The following TRIM38 variants were observed in gnomAD, a reference collection of about 807,000 sequenced individuals.
TRIM38 encodes the protein tripartite motif containing 38.
A neutral mutation model predicts 35.8 loss-of-function variants in TRIM38; 35 were observed. That is an observed-to-expected ratio of 0.98 (90% confidence interval 0.75 to 1.30). TRIM38 has a LOEUF of 1.30. Ranked by LOEUF, TRIM38 falls within the 50% of genes most tolerant of loss-of-function variation. The pLI is 0.00. For missense variants in TRIM38, 545 were observed against 556.9 expected (o/e 0.98, Z 0.21); for synonymous variants, 198 against 204.7 (o/e 0.97, Z 0.28).
chr6:25,965,653 C>T (rs1223659128), intron 2 of TRIM38, among the ~76,000 whole-genome samples: 4 of 151,998 alleles, frequency 2.6e-5, no homozygotes, highest in East Asian at 1.9e-4. Flanking sequence ...AGGCTGGGCA[C>T]GGTGGCTCAT....
chr6:25,977,889 T>G lies in TRIM38; in HGVS notation c.874+4604T>G, dbSNP rs113820608. Among the ~76,000 whole-genome samples the G allele has an allele frequency of 9.7e-3, 1,479 of 152,234 alleles. 14 individuals are homozygous for G. Among genetic ancestry groups the G allele is most frequent in the Middle Eastern group, 0.044 (13 of 294 alleles). On this transcript the variant is annotated intron_variant, in intron 7 of 7. Transcript: ENST00000357085. ...AAGTTCATATATTTTGTTAAGTATG[T>G]CTCATTGGAGACCTTCTTTTCCCGT...
At chr6:25,968,039 T>G (rs1326919360) in intron 3 of TRIM38, among the ~76,000 whole-genome samples, 1 of 152,154 alleles carries the variant, frequency 6.6e-6, no homozygotes, top group Non-Finnish European at 1.5e-5. Context: ...AGGTGGGACT[T>G]TGCTGTTGGC....
At chr6:25,967,212 T>G (rs1760085571) in intron 3 of TRIM38, among the ~76,000 whole-genome samples, 1 of 152,184 alleles carries the variant, frequency 6.6e-6, no homozygotes, top group Non-Finnish European at 1.5e-5. Flanking sequence ...AACACCCGCA[T>G]TTTTTCTTGT....
rs375767787 is a variant in TRIM38 at position 25,966,594 on chromosome 6, G to A, written c.72G>A (p.Thr24=). Residue 24 remains threonine, a synonymous_variant, in exon 3 of 8, where the codon ACG becomes ACA. Coordinates refer to ENST00000357085, the MANE Select transcript of TRIM38 (RefSeq NM_006355.5). ...GCTCCATCTGCCTGAGCCTGATGACGAACCCAGTAAGCATCAACTGTGGAC... is the reference window on the plus strand; with the variant it reads ...GCTCCATCTGCCTGAGCCTGATGACAAACCCAGTAAGCATCAACTGTGGAC... ...ATCSICLSLM[T]NPVSINCGHS... The A allele has an allele frequency of 5.0e-5, 81 of 1,613,994 alleles. No homozygotes were observed. The highest frequency in any genetic ancestry group is 3.0e-5 in the Non-Finnish European group (35 of 1,180,014).
chr6:25,985,099 T>G lies in TRIM38; in HGVS notation c.*1412T>G, dbSNP rs1040243580. The G allele has an allele frequency of 6.6e-6, 1 of 152,106 alleles. No individual in the cohort carries two copies. The highest frequency in any genetic ancestry group is 6.5e-5 in the Admixed American group (1 of 15,276). 9.4% of individuals were successfully genotyped at this position (152,106 alleles called of 1,614,324 possible). A position where few individuals can be genotyped will look rare whatever the true frequency, so the allele number is the denominator to read the frequency against. ...AATATGCCATCTTTGGCATAAGAAGTATTTTGAGTTGAAGACAATTGAGAA... is the reference window on the plus strand; with the variant it reads ...AATATGCCATCTTTGGCATAAGAAGGATTTTGAGTTGAAGACAATTGAGAA... On this transcript the variant is annotated 3_prime_UTR_variant, in exon 8 of 8. Coordinates refer to ENST00000357085, the MANE Select transcript of TRIM38 (RefSeq NM_006355.5).
rs116351897 is a variant in TRIM38, at chr6:25,990,412, C to T, written c.*6725C>T. ...CAGCCTTGACTGCCTAGGCTCAAGT[C>T]ATCCTCCCACCTCAGCCTCCAGAAT... On this transcript the variant is annotated 3_prime_UTR_variant, in exon 8 of 8. Coordinates refer to ENST00000357085, the MANE Select transcript of TRIM38 (RefSeq NM_006355.5). The T allele has an allele frequency of 0.02, 2,973 of 152,294 alleles. 50 individuals are homozygous for T. Among genetic ancestry groups the T allele is most frequent in the African/African-American group, 0.047 (1,936 of 41,512 alleles). The allele number at this position is 152,294 out of a possible 1,614,324, so 9.4% of individuals were successfully genotyped here.
chr6:25,982,426 C>A (rs1285116916), intron 7 of TRIM38, among the ~76,000 whole-genome samples: 2 of 152,160 alleles, frequency 1.3e-5, no homozygotes, highest in Admixed American at 6.5e-5. Context: ...ATAGTGTGGG[C>A]TCCCAGAGCT....
rs1554143882 is a variant in TRIM38 at position 25,988,496 on chromosome 6, C to CTTTCTTTTTTTTT, written c.*4812_*4813insCTTTTTTTTTTTT. ...TTTCTTTTTCTTTTTTCTTTTCTTTCTTTTTTTTTTTTTTTTTGAGACAGA... is the reference window on the plus strand; with the variant it reads ...TTTCTTTTTCTTTTTTCTTTTCTTTCTTTCTTTTTTTTTTTTTTTTTTTTTTTTTTGAGACAGA... On this transcript the variant is annotated 3_prime_UTR_variant, in exon 8 of 8. Transcript: ENST00000357085. 1 of 63,054 alleles carries CTTTCTTTTTTTTT rather than the reference C, an allele frequency of 1.6e-5. No homozygotes were observed. Among genetic ancestry groups the CTTTCTTTTTTTTT allele is most frequent in the Non-Finnish European group, 2.7e-5 (1 of 37,380 alleles). The allele number at this position is 63,054 out of a possible 1,614,324, so 3.9% of individuals were successfully genotyped here. A position where few individuals can be genotyped will look rare whatever the true frequency, so the allele number is the denominator to read the frequency against.
At position 25,972,039 on chromosome 6, in the gene TRIM38, CAA is replaced by C; in HGVS notation, c.679_680del (p.Lys227GlufsTer23). 6.2e-7 allele frequency: 1 copy of C among 1,614,080 alleles called. No individual in the cohort carries two copies. The highest frequency in any genetic ancestry group is 1.1e-5 in the South Asian group (1 of 91,078). On this transcript the variant is annotated frameshift_variant, in exon 5 of 8. Transcript: ENST00000357085. LOFTEE classifies it high-confidence loss of function. Reference protein sequence around the residue: ...AGLGLKSNELKSHILELEEKC... With the variant: ...AGLGLKSNELXSHILELEEKC... The stretch of plus-strand genomic sequence containing the variant: ...GTCTGGGGCTGAAGAGCAATGAACT[CAA>C]GAGCCACATCCTGGAACTGGAGGAA...
At chr6:25,976,429 G>A (rs1290698459) in intron 7 of TRIM38, among the ~76,000 whole-genome samples, 2 of 152,112 alleles carry the variant, frequency 1.3e-5, no homozygotes, top group Non-Finnish European at 2.9e-5. Context: ...TGCCACGTCT[G>A]GCTAATTTTT....
chr6:25,972,110 G>GT lies in TRIM38; in HGVS notation c.738+12dup. 1 of 1,611,978 alleles carries GT rather than the reference G, an allele frequency of 6.2e-7. No individual in the cohort carries two copies. Among genetic ancestry groups the GT allele is most frequent in the Non-Finnish European group, 8.5e-7 (1 of 1,178,248 alleles). On this transcript the variant is annotated intron_variant, in intron 5 of 7. Coordinates refer to ENST00000357085, the MANE Select transcript of TRIM38 (RefSeq NM_006355.5). ...CAGAAATTGCTGCAGGTGAGGCTGT[G>GT]TACTTGGAGTAGGGAAAAAAGGTAT...
chr6:25,966,028 C>T (rs1363053118), intron 2 of TRIM38, among the ~76,000 whole-genome samples: 1 of 151,900 alleles, frequency 6.6e-6, no homozygotes, highest in Non-Finnish European at 1.5e-5. Context: ...ACAAGTGAGG[C>T]AGGAGTATAG....
intron 2 of TRIM38, among the ~76,000 whole-genome samples, chr6:25,964,997 G>C (rs554056617): frequency 1.3e-5 from 2 of 152,170 alleles, no homozygotes; most frequent in Admixed American, 1.3e-4. Context: ...ATTTTTAGTA[G>C]AGATGAGGTT....
chr6:25,969,403 C>A lies in TRIM38; in HGVS notation c.490C>A (p.Arg164=). 6.2e-7 allele frequency: 1 copy of A among 1,607,646 alleles called. No individual in the cohort carries two copies. The highest frequency in any genetic ancestry group is 8.5e-7 in the Non-Finnish European group (1 of 1,176,712). The change falls in exon 4 of 8, where the codon CGA becomes AGA. Residue 164 remains arginine (R), a synonymous_variant. Coordinates refer to ENST00000357085, the MANE Select transcript of TRIM38 (RefSeq NM_006355.5). ...CTEQKLSTAM[R]ITKWKEKVQI... is the part of the protein sequence containing the mutation. ...GGAGCAGAAGCTGTCCACAGCAATG[C>A]GAATAACTAAATGGAAAGTAAGAAT... is the stretch of plus-strand genomic sequence containing the variant.
chr6:25,986,358 A>G lies in TRIM38; in HGVS notation c.*2671A>G, dbSNP rs1760707650. Reference sequence around the variant, plus strand: ...CCTGGGCAAGGCTCCCATCTCTAAAAGAAAAGAAATTAGCTGGGCATGGTG... The same window carrying G: ...CCTGGGCAAGGCTCCCATCTCTAAAGGAAAAGAAATTAGCTGGGCATGGTG... On this transcript the variant is annotated 3_prime_UTR_variant, in exon 8 of 8. Coordinates refer to ENST00000357085, the MANE Select transcript of TRIM38 (RefSeq NM_006355.5). 6.6e-6 allele frequency: 1 copy of G among 152,060 alleles called. No homozygotes were observed. The highest frequency in any genetic ancestry group is 2.1e-4 in the South Asian group (1 of 4,828). 9.4% of individuals were successfully genotyped at this position (152,060 alleles called of 1,614,324 possible). A position where few individuals can be genotyped will look rare whatever the true frequency, so the allele number is the denominator to read the frequency against.
rs1176047412 is a variant in TRIM38, at chr6:25,983,273, G to A, written c.984G>A (p.Arg328=). ...AGGAGAATCAGGACACATCTTCCAG[G>A]AGATTTACTGCCTTCCCCTGTGTCT... ...YTQENQDTSS[R]RFTAFPCVLG... Residue 328 remains arginine, a synonymous_variant, in exon 8 of 8, where the codon AGG becomes AGA. Transcript: ENST00000357085. 6.2e-7 allele frequency: 1 copy of A among 1,614,120 alleles called. No homozygotes were observed. The highest frequency in any genetic ancestry group is 1.3e-5 in the African/African-American group (1 of 75,022).
Position 25,989,698 on chromosome 6 carries a change from T to C in TRIM38, c.*6011T>C, listed in dbSNP as rs1488434291. ...CTGTTTGGTAACTTAATCTTTCACTTTTTGAAAACAAAAAATAGTTTTTTT... is the reference window on the plus strand; with the variant it reads ...CTGTTTGGTAACTTAATCTTTCACTCTTTGAAAACAAAAAATAGTTTTTTT... On this transcript the variant is annotated 3_prime_UTR_variant, in exon 8 of 8. Coordinates refer to ENST00000357085, the MANE Select transcript of TRIM38 (RefSeq NM_006355.5). 1 of 151,960 alleles carries C rather than the reference T, an allele frequency of 6.6e-6. No homozygotes were observed. Among genetic ancestry groups the C allele is most frequent in the African/African-American group, 2.4e-5 (1 of 41,428 alleles). The allele number at this position is 151,960 out of a possible 1,614,324, so 9.4% of individuals were successfully genotyped here.
chr6:25,967,789 C>G (rs938491371), intron 3 of TRIM38, among the ~76,000 whole-genome samples: 3 of 151,918 alleles, frequency 2.0e-5, no homozygotes, highest in African/African-American at 7.3e-5. Context: ...CTCAGCCTCC[C>G]AAAATGCTGG....
At position 25,984,298 on chromosome 6, in the gene TRIM38, C is replaced by T. The variant is rs1369153901; in HGVS notation, c.*611C>T. ...AAAGGGAATTATGAGTAAAATTGAACTTTGATGGGGGATTCAGTTCTGGAA... is the reference window on the plus strand; with the variant it reads ...AAAGGGAATTATGAGTAAAATTGAATTTTGATGGGGGATTCAGTTCTGGAA... On this transcript the variant is annotated 3_prime_UTR_variant, in exon 8 of 8. Transcript: ENST00000357085. 1 of 152,260 alleles carries T rather than the reference C, an allele frequency of 6.6e-6. No homozygotes were observed. The highest frequency in any genetic ancestry group is 1.5e-5 in the Non-Finnish European group (1 of 68,034). The allele number at this position is 152,260 out of a possible 1,614,324, so 9.4% of individuals were successfully genotyped here. A position where few individuals can be genotyped will look rare whatever the true frequency, so the allele number is the denominator to read the frequency against.
Sources: gnomAD v4.1 joint callset for allele counts (sites outside exome capture counted in the v4.1 genomes callset) on GRCh38, gnomAD v4.1.1 for gene constraint, MANE v1.5 for transcripts, NCBI Gene and HGNC (gene_info 2026-07-23, HGNC 2026-07-21) for gene names.